Variants in POLR3G observed in about 807,000 individuals in gnomAD.
The protein encoded by POLR3G is RNA polymerase III subunit G, also known as DNA-directed RNA polymerase III subunit RPC7.
POLR3G carries 28 observed loss-of-function variants against 30.1 expected under a neutral mutation model. The observed-to-expected ratio is 0.93, with a 90% CI of 0.69 to 1.27. POLR3G has a LOEUF of 1.27. Ranked by LOEUF, POLR3G falls within the 50% of genes most tolerant of loss-of-function variation. The pLI, the probability that POLR3G is intolerant of heterozygous loss-of-function variation, is 0.00. For missense variants in POLR3G, 254 were observed against 264.6 expected (o/e 0.96, Z 0.28); for synonymous variants, 79 against 82.5 (o/e 0.96, Z 0.23).
intron 4 of POLR3G, among the ~76,000 whole-genome samples, chr5:90,496,295 G>A (rs1167270350): frequency 6.6e-6 from 1 of 152,130 alleles, no homozygotes; most frequent in Non-Finnish European, 1.5e-5. Context: ...ACAAAAATAG[G>A]ACAGGCCAAA....
rs769812298 is a variant in POLR3G, at chr5:90,485,586, A to G, written c.19A>G (p.Arg7Gly). The G allele has an allele frequency of 3.7e-6, 6 of 1,613,506 alleles. No homozygotes were observed. The East Asian group carries it at 1.3e-4, about 36-fold the overall frequency. MAGNKG[R>G]GRAAYTFNIE... ...GGTTCTGATGGCTGGGAATAAAGGAAGAGGACGTGCTGCTTATACCTTTAA... is the reference window on the plus strand; with the variant it reads ...GGTTCTGATGGCTGGGAATAAAGGAGGAGGACGTGCTGCTTATACCTTTAA... Residue 7 changes from arginine to glycine, a missense_variant, in exon 2 of 8, where the codon AGA (arginine) becomes GGA (glycine). By Grantham distance (125) the Arg-to-Gly change is moderately radical. Transcript: ENST00000651687.
rs1752835981 is a variant in POLR3G, at chr5:90,513,676, TTAAA to T, written c.*1541_*1544del. ...AAGATGTTTCAATGGCAATACTTTC[TTAAA>T]TAATTCAAGATGGGTGTGAGGACCT... On this transcript the variant is annotated 3_prime_UTR_variant, in exon 8 of 8. Transcript: ENST00000651687. 1 of 152,228 alleles carries T rather than the reference TTAAA, an allele frequency of 6.6e-6. No individual in the cohort carries two copies. The highest frequency in any genetic ancestry group is 1.5e-5 in the Non-Finnish European group (1 of 68,030). The allele number at this position is 152,228 out of a possible 1,614,324, so 9.4% of individuals were successfully genotyped here.
Position 90,502,003 on chromosome 5 carries a change from TTACTA to T in POLR3G, c.438+19_438+23del. The T allele has an allele frequency of 6.2e-7, 1 of 1,608,992 alleles. No homozygotes were observed. The highest frequency in any genetic ancestry group is 8.5e-7 in the Non-Finnish European group (1 of 1,177,338). ...AAAAAATGGAGGTAAGGTTTTCTTC[TTACTA>T]TACAAGTGAACTGAAAAAATGTAAA... On this transcript the variant is annotated intron_variant, in intron 6 of 7. Transcript: ENST00000651687.
intron 1 of POLR3G, among the ~76,000 whole-genome samples, chr5:90,484,617 A>C (rs1331790581): frequency 1.3e-5 from 2 of 152,146 alleles, no homozygotes; most frequent in African/African-American, 4.8e-5. Context: ...TGGCTTGCAT[A>C]ATTTTGCAAG....
At chr5:90,494,066 T>C (rs1468875153) in intron 3 of POLR3G, among the ~76,000 whole-genome samples, 1 of 152,108 alleles carries the variant, frequency 6.6e-6, no homozygotes, top group Admixed American at 6.6e-5. Context: ...CTGTACCCTT[T>C]AGTAGTCATT....
At chr5:90,492,608 C>T (rs1032094611) in intron 3 of POLR3G, among the ~76,000 whole-genome samples, 3 of 152,072 alleles carry the variant, frequency 2.0e-5, no homozygotes, top group African/African-American at 7.2e-5. Context: ...ATCAGCCGGG[C>T]GCAGTGGCTC....
At position 90,497,773 on chromosome 5, in the gene POLR3G, A is replaced by G. The variant is rs905108976; in HGVS notation, c.355+67A>G. On this transcript the variant is annotated intron_variant, in intron 5 of 7. Coordinates refer to ENST00000651687, the MANE Select transcript of POLR3G (RefSeq NM_006467.3). ...TATTTCTTACATTCTGTTAATATGG[A>G]TTTGTCAACCCAAAGTTATACTCAC... 5.2e-6 allele frequency: 8 copies of G among 1,532,246 alleles called. No individual in the cohort carries two copies. In the African/African-American group the frequency reaches 1.1e-4, roughly 22 times the overall value. The allele number at this position is 1,532,246 out of a possible 1,614,324, so 94.9% of individuals were successfully genotyped here.
chr5:90,492,863 A>G (rs1172340173), intron 3 of POLR3G, among the ~76,000 whole-genome samples: 8 of 148,736 alleles, frequency 5.4e-5, no homozygotes, highest in South Asian at 4.2e-4. Flanking sequence ...TCCGCCTCAA[A>G]AAAAAAAAAA....
chr5:90,482,189 T>C (rs1751157538), intron 1 of POLR3G, among the ~76,000 whole-genome samples: 1 of 152,180 alleles, frequency 6.6e-6, no homozygotes, highest in African/African-American at 2.4e-5. Flanking sequence ...TGTAAAACTA[T>C]GAAACCCAAA....
chr5:90,482,632 A>C lies in POLR3G; in HGVS notation c.-43-2893A>C, dbSNP rs907367450. 5.3e-5 allele frequency among the ~76,000 whole-genome samples: 8 copies of C among 152,286 alleles called. No individual in the cohort carries two copies. In the South Asian group the frequency reaches 1.7e-3, roughly 32 times the overall value. On this transcript the variant is annotated intron_variant, in intron 1 of 7. Coordinates refer to ENST00000651687, the MANE Select transcript of POLR3G (RefSeq NM_006467.3). ...ATTCTGACCCTCCCTAAACCACTCC[A>C]AAGATCAGTGCTTGAGATATTTTGC... is the stretch of plus-strand genomic sequence containing the variant.
intron 5 of POLR3G, among the ~76,000 whole-genome samples, chr5:90,501,064 C>T (rs1452804443): frequency 6.6e-6 from 1 of 152,022 alleles, no homozygotes; most frequent in Admixed American, 6.6e-5. Flanking sequence ...GCCATTACAA[C>T]ATTTTATTTC....
intron 5 of POLR3G, among the ~76,000 whole-genome samples, chr5:90,498,545 A>G (rs1001048185): frequency 2.0e-5 from 3 of 152,158 alleles, no homozygotes; most frequent in Non-Finnish European, 4.4e-5. Context: ...CTGTTCCTGC[A>G]TTTATTCACT....
chr5:90,486,863 T>C (rs1751462812), intron 2 of POLR3G, among the ~76,000 whole-genome samples: 1 of 152,234 alleles, frequency 6.6e-6, no homozygotes, highest in African/African-American at 2.4e-5. Flanking sequence ...GACTTTGACT[T>C]ATTTATCATG....
At chr5:90,492,786 G>A (rs1751790299) in intron 3 of POLR3G, among the ~76,000 whole-genome samples, 1 of 145,638 alleles carries the variant, frequency 6.9e-6, no homozygotes, top group Non-Finnish European at 1.5e-5. Flanking sequence ...GGAGACTGAG[G>A]CAGGAGAGTG....
intron 4 of POLR3G, among the ~76,000 whole-genome samples, chr5:90,496,711 T>C (rs1344817454): frequency 6.6e-6 from 1 of 152,242 alleles, no homozygotes; most frequent in Non-Finnish European, 1.5e-5. Flanking sequence ...TATGTCTCTG[T>C]CCTTGGTCTT....
chr5:90,491,514 C>T (rs750751260), intron 3 of POLR3G, among the ~76,000 whole-genome samples: 1 of 150,742 alleles, frequency 6.6e-6, no homozygotes, highest in Non-Finnish European at 1.5e-5. Context: ...CCATGAGACC[C>T]AATATAAATT....
chr5:90,481,820 T>C (rs766912546), intron 1 of POLR3G, among the ~76,000 whole-genome samples: 11 of 152,192 alleles, frequency 7.2e-5, no homozygotes, highest in Non-Finnish European at 1.3e-4. Flanking sequence ...TATAGAGTTA[T>C]TGTTAAAATT....
intron 3 of POLR3G, among the ~76,000 whole-genome samples, chr5:90,489,687 C>T (rs1178038151): frequency 6.6e-6 from 1 of 152,134 alleles, no homozygotes; most frequent in Non-Finnish European, 1.5e-5. Context: ...AATCAGTATT[C>T]ATTCTTATTA....
chr5:90,474,426 G>A (rs1486044017), upstream of POLR3G: 2 of 787,198 alleles, frequency 2.5e-6, no homozygotes, highest in East Asian at 2.7e-5. Context: ...CGAGGCGGGG[G>A]CGTGGGATGC....
Sources: allele counts gnomAD v4.1 joint callset (sites outside exome capture counted in the v4.1 genomes callset), GRCh38; gene constraint gnomAD v4.1.1; transcripts MANE v1.5; gene names NCBI Gene and HGNC (gene_info 2026-07-23, HGNC 2026-07-21).